UTRN: variants seen among roughly 807,000 people sequenced by gnomAD.
The protein encoded by UTRN is utrophin, also known as dystrophin-related protein 1.
A neutral mutation model predicts 463.9 loss-of-function variants in UTRN; 283 were observed. That is an observed-to-expected ratio of 0.61 (90% CI 0.55 to 0.67). The LOEUF (loss-of-function observed/expected upper bound fraction) is 0.67. UTRN is among the 30% of genes least tolerant of loss of function. UTRN has a pLI of 0.00. For synonymous variants in UTRN, 1,442 were observed against 1,431.5 expected, an observed-to-expected ratio of 1.01 and a Z score of -0.17; for missense variants, 3,922 against 4,084.3, an observed-to-expected ratio of 0.96 and a Z score of 1.08.
chr6:144,535,075 C>A (rs1797406206), intron 43 of UTRN, among the ~76,000 whole-genome samples: 1 of 152,262 alleles, frequency 6.6e-6, no homozygotes, highest in African/African-American at 2.4e-5. Context: ...AATGATTTAT[C>A]TCCTAGACCT....
intron 54 of UTRN, among the ~76,000 whole-genome samples, chr6:144,740,497 A>G (rs1320245732): frequency 6.6e-6 from 1 of 152,212 alleles, no homozygotes; most frequent in Admixed American, 6.5e-5. Context: ...TTTCAGGCCT[A>G]TAGACCACGA....
At chr6:144,490,419 A>G (rs1792945998) in intron 31 of UTRN, among the ~76,000 whole-genome samples, 1 of 152,172 alleles carries the variant, frequency 6.6e-6, no homozygotes, top group Non-Finnish European at 1.5e-5. Context: ...GAGATGAGAA[A>G]CAAGAGAGTG....
At chr6:144,489,969 G>A in intron 30 of UTRN, 102 bp from the exon 31 acceptor site, 4 of 1,454,660 alleles carry the variant, frequency 2.7e-6, no homozygotes, top group South Asian at 1.2e-5. Flanking sequence ...TGTAAAATAC[G>A]ATATCATGTA....
At chr6:144,702,127 A>C (rs1014171047) in intron 53 of UTRN, among the ~76,000 whole-genome samples, 3 of 152,230 alleles carry the variant, frequency 2.0e-5, no homozygotes, top group Admixed American at 6.5e-5. Flanking sequence ...TAAGGAATAC[A>C]AGCTGCTTAT....
intron 2 of UTRN, among the ~76,000 whole-genome samples, chr6:144,339,456 A>G (rs574217219): frequency 1.3e-5 from 2 of 152,282 alleles, no homozygotes; most frequent in South Asian, 2.1e-4. Context: ...ATTTGCATCT[A>G]TGTGAATTGT....
intron 9 of UTRN, among the ~76,000 whole-genome samples, chr6:144,433,345 C>T (rs1319891806): frequency 1.4e-5 from 2 of 145,482 alleles, no homozygotes; most frequent in East Asian, 2.1e-4. Flanking sequence ...CCGGACGGGG[C>T]GGCTGGCCTG....
chr6:144,491,078 A>G lies in UTRN; in HGVS notation c.4413A>G (p.Ile1471Met), dbSNP rs370480216. 5 of 1,611,164 alleles carry G rather than the reference A, an allele frequency of 3.1e-6. No homozygotes were observed. Among genetic ancestry groups the G allele is most frequent in the Non-Finnish European group, 4.2e-6 (5 of 1,179,124 alleles). Residue 1471 changes from isoleucine to methionine, a missense_variant, in exon 32 of 75, where the codon ATA (isoleucine) becomes ATG (methionine). Around this residue, in one of 3 missense-constraint regions of UTRN, gnomAD observed 2,349 missense variants for 2,303.8 expected, o/e 1.02. Coordinates refer to ENST00000367545, the MANE Select transcript of UTRN (RefSeq NM_007124.3). ...TGAAGGACGTAGACCCTGACGTCAT[A>G]CAGACGCACCTGGACAAGTGTATGG... ...LDVKDVDPDV[I>M]QTHLDKCMKL...
intron 14 of UTRN, among the ~76,000 whole-genome samples, chr6:144,445,434 A>G (rs1185485486): frequency 2.7e-5 from 4 of 150,850 alleles, no homozygotes; most frequent in South Asian, 2.1e-4. Context: ...TTTCATTTCC[A>G]TCTATAAGAA....
Position 144,836,416 on chromosome 6 carries a change from C to T in UTRN, c.9940C>T (p.Leu3314Phe). The change falls in exon 71 of 75, where the codon CTT becomes TTT. Residue 3314 changes from leucine (L) to phenylalanine (F), a missense_variant. By Grantham distance (22) the Leu-to-Phe change is conservative. Coordinates refer to ENST00000367545, the MANE Select transcript of UTRN (RefSeq NM_007124.3). Reference protein sequence around the residue: ...SPHHTSEDSELIAEAKLLRQH... With the variant: ...SPHHTSEDSEFIAEAKLLRQH... ...CCATCACACGTCTGAGGATTCAGAA[C>T]TTATAGCAGAAGCAAAACTCCTCAG... 1 of 1,590,760 alleles carries T rather than the reference C, an allele frequency of 6.3e-7. No individual in the cohort carries two copies. Among genetic ancestry groups the T allele is most frequent in the Non-Finnish European group, 8.6e-7 (1 of 1,165,510 alleles).
chr6:144,332,737 A>G (rs1330361443), intron 2 of UTRN, among the ~76,000 whole-genome samples: 1 of 152,076 alleles, frequency 6.6e-6, no homozygotes, highest in Non-Finnish European at 1.5e-5. Context: ...GTTATTTATG[A>G]CACTATTTTT....
intron 19 of UTRN, among the ~76,000 whole-genome samples, chr6:144,456,079 TG>T (rs1043293671): frequency 8.4e-4 from 128 of 152,336 alleles, no homozygotes; most frequent in African/African-American, 3.0e-3. Flanking sequence ...AATTCTTTTT[TG>T]TTTTAAAGAT....
chr6:144,611,188 C>G (rs1422545953), intron 51 of UTRN, among the ~76,000 whole-genome samples: 1 of 152,164 alleles, frequency 6.6e-6, no homozygotes, highest in Non-Finnish European at 1.5e-5. Context: ...TAAAAACTCT[C>G]AACATATTAG....
At chr6:144,503,812 T>C (rs1171718016) in intron 34 of UTRN, among the ~76,000 whole-genome samples, 2 of 152,226 alleles carry the variant, frequency 1.3e-5, no homozygotes, top group African/African-American at 4.8e-5. Flanking sequence ...GGGAATAGCA[T>C]TGAATCTAAA....
At chr6:144,358,562 T>G (rs544211595) in intron 2 of UTRN, among the ~76,000 whole-genome samples, 46 of 152,356 alleles carry the variant, frequency 3.0e-4, no homozygotes, top group African/African-American at 1.1e-3. Context: ...TTTTTATTCC[T>G]AATTTCTTAA....
chr6:144,642,294 C>G (rs1777851364), intron 51 of UTRN, among the ~76,000 whole-genome samples: 1 of 152,070 alleles, frequency 6.6e-6, no homozygotes, highest in Non-Finnish European at 1.5e-5. Context: ...AATTTTTTGT[C>G]TTAGTTGTCC....
At chr6:144,454,272 A>AT (rs1182715600) in intron 19 of UTRN, among the ~76,000 whole-genome samples, 1 of 152,156 alleles carries the variant, frequency 6.6e-6, no homozygotes, top group Non-Finnish European at 1.5e-5. Context: ...AGGGTATTTG[A>AT]TTTTTGATAA....
At chr6:144,828,956 A>T in intron 69 of UTRN, 101 bp downstream of exon 69, 1 of 1,360,266 alleles carries the variant, frequency 7.4e-7, no homozygotes, top group Non-Finnish European at 1.0e-6. Context: ...CTTGATCCCA[A>T]TCAAAATTAT....
intron 58 of UTRN, 50 bp from the exon 59 acceptor site, chr6:144,771,857 A>T: frequency 6.7e-7 from 1 of 1,481,598 alleles, no homozygotes; most frequent in Non-Finnish European, 9.2e-7. Flanking sequence ...GGCCTATATG[A>T]AGTTTTTTGA....
intron 51 of UTRN, among the ~76,000 whole-genome samples, chr6:144,605,360 A>G (rs1264211731): frequency 6.6e-6 from 1 of 152,148 alleles, no homozygotes; most frequent in Non-Finnish European, 1.5e-5. Context: ...TATAATAGGT[A>G]TGCAAGAGTA....
Sources: allele counts gnomAD v4.1 joint callset (sites outside exome capture counted in the v4.1 genomes callset), GRCh38; gene constraint gnomAD v4.1.1; regional missense constraint gnomAD v4.1.1; transcripts MANE v1.5; gene names NCBI Gene and HGNC (gene_info 2026-07-23, HGNC 2026-07-21).